Variants in NXPE2 observed in about 807,000 individuals in gnomAD.
The protein encoded by NXPE2 is neurexophilin and PC-esterase domain family member 2.
A neutral mutation model predicts 34.4 loss-of-function variants in NXPE2; 34 were observed. The ratio of observed to expected loss-of-function variants is 0.99; its 90% CI spans 0.75 to 1.31. The LOEUF is 1.31. Among genes scored for constraint, NXPE2 ranks in the 40% most tolerant of loss-of-function variants. The pLI is 0.00. For missense variants in NXPE2, 649 were observed against 672.5 expected (o/e 0.97, Z 0.39); for synonymous variants, 235 against 231.3 (o/e 1.02, Z -0.15).
chr11:114,582,416 G>T, the NXPE2 span: 1 of 1,614,218 alleles, frequency 6.2e-7, no homozygotes, highest in Non-Finnish European at 8.5e-7. Flanking sequence ...GGTCTCTGTT[G>T]TCCAGGTACT....
the NXPE2 span, among the ~76,000 whole-genome samples, chr11:114,762,343 A>C: frequency 6.6e-6 from 1 of 152,178 alleles, no homozygotes; most frequent in Non-Finnish European, 1.5e-5. Context: ...TGTCTTTCAC[A>C]GCCTGATATT....
At chr11:114,643,774 GTTTTT>G in the NXPE2 span, among the ~76,000 whole-genome samples, 506 of 149,200 alleles carry the variant, frequency 3.4e-3, 1 homozygote, top group Non-Finnish European at 4.8e-3. Flanking sequence ...ACTTAAAGTA[GTTTTT>G]TTTTTAATAA....
downstream of NXPE2, among the ~76,000 whole-genome samples, chr11:114,708,616 C>A (rs537849140): frequency 2.7e-5 from 4 of 146,476 alleles, no homozygotes; most frequent in African/African-American, 1.0e-4. Context: ...GGTGACAGAG[C>A]GAGACTCCAT....
chr11:114,615,206 G>A, the NXPE2 span, among the ~76,000 whole-genome samples: 21 of 151,330 alleles, frequency 1.4e-4, no homozygotes, highest in East Asian at 1.2e-3. Context: ...ACTGTTAGCC[G>A]GTGGATACTA....
chr11:114,589,306 A>G, the NXPE2 span, among the ~76,000 whole-genome samples: 3 of 152,082 alleles, frequency 2.0e-5, no homozygotes, highest in Non-Finnish European at 4.4e-5. Flanking sequence ...TTCCCATTAC[A>G]GCACAGGAGG....
chr11:114,583,723 CTGGGCCACCT>C, the NXPE2 span: 1 of 545,314 alleles, frequency 1.8e-6, no homozygotes, highest in African/African-American at 1.9e-5. Context: ...ATGATACAAT[CTGGGCCACCT>C]TGGAACTGCT....
At chr11:114,513,278 G>A in the NXPE2 span, 1,666 of 472,312 alleles carry the variant, frequency 3.5e-3, 24 homozygotes, top group African/African-American at 0.03. Flanking sequence ...ACTGGTGGTT[G>A]TGTTCATGTG....
At chr11:114,683,621 A>C (rs1023465106) in intron 2 of NXPE2, among the ~76,000 whole-genome samples, 4 of 152,126 alleles carry the variant, frequency 2.6e-5, no homozygotes, top group Admixed American at 6.6e-5. Context: ...GGGTTTCACC[A>C]TGTTGGCCAG....
At chr11:114,472,843 T>C in the NXPE2 span, among the ~76,000 whole-genome samples, 2 of 152,220 alleles carry the variant, frequency 1.3e-5, no homozygotes, top group Non-Finnish European at 2.9e-5. Context: ...GGGTTCATGA[T>C]GTCATCCTAT....
At chr11:114,639,297 C>T in the NXPE2 span, among the ~76,000 whole-genome samples, 1 of 152,054 alleles carries the variant, frequency 6.6e-6, no homozygotes, top group Admixed American at 6.6e-5. Context: ...TCTCCTGGTG[C>T]ACCGTTCCTT....
At chr11:114,555,702 G>A in the NXPE2 span, among the ~76,000 whole-genome samples, 1 of 152,092 alleles carries the variant, frequency 6.6e-6, no homozygotes, top group Non-Finnish European at 1.5e-5. Flanking sequence ...TTCTGGCCCC[G>A]GATAATCACA....
At chr11:114,794,907 C>T in the NXPE2 span, among the ~76,000 whole-genome samples, 1 of 140,546 alleles carries the variant, frequency 7.1e-6, no homozygotes, top group Non-Finnish European at 1.5e-5. Flanking sequence ...ACCATGAAAG[C>T]TCAGGAGGCA....
chr11:114,536,224 T>G, the NXPE2 span, among the ~76,000 whole-genome samples: 1 of 151,988 alleles, frequency 6.6e-6, no homozygotes, highest in South Asian at 2.1e-4. Flanking sequence ...AAGATGTTCT[T>G]TGAAACCAAT....
the NXPE2 span, among the ~76,000 whole-genome samples, chr11:114,467,918 A>G: frequency 6.6e-6 from 1 of 152,060 alleles, no homozygotes; most frequent in African/African-American, 2.4e-5. Flanking sequence ...CCTGGGTGAG[A>G]GAGAGACACC....
the NXPE2 span, among the ~76,000 whole-genome samples, chr11:114,626,347 T>C: frequency 2.6e-5 from 4 of 151,914 alleles, no homozygotes; most frequent in African/African-American, 9.7e-5. Flanking sequence ...GCAGACTGCC[T>C]CCTCAAGTGG....
the NXPE2 span, among the ~76,000 whole-genome samples, chr11:114,758,547 G>C: frequency 6.6e-6 from 1 of 152,150 alleles, no homozygotes; most frequent in African/African-American, 2.4e-5. Context: ...ACAAAGAGCA[G>C]AGAGCATTTG....
the NXPE2 span, among the ~76,000 whole-genome samples, chr11:114,800,653 G>T: frequency 6.6e-6 from 1 of 152,152 alleles, no homozygotes; most frequent in Non-Finnish European, 1.5e-5. Context: ...GTGATGTCAT[G>T]AATAAATACT....
At chr11:114,512,047 C>T in the NXPE2 span, among the ~76,000 whole-genome samples, 1 of 152,092 alleles carries the variant, frequency 6.6e-6, no homozygotes, top group Non-Finnish European at 1.5e-5. Flanking sequence ...TAAAATAATT[C>T]AAAGTGGTTC....
At chr11:114,728,172 C>T in the NXPE2 span, among the ~76,000 whole-genome samples, 4 of 152,030 alleles carry the variant, frequency 2.6e-5, no homozygotes, top group South Asian at 8.3e-4. Flanking sequence ...CCTTCTACCC[C>T]TCTCTCTTAG....
Sources: allele counts gnomAD v4.1 joint callset (sites outside exome capture counted in the v4.1 genomes callset), GRCh38; gene constraint gnomAD v4.1.1; transcripts MANE v1.5; gene names NCBI Gene and HGNC (gene_info 2026-07-23, HGNC 2026-07-21).